The following ST6GALNAC5 variants were observed in gnomAD, a reference collection of about 807,000 sequenced individuals.
ST6GALNAC5 encodes alpha-N-acetylgalactosaminide alpha-2,6-sialyltransferase 5.
In ST6GALNAC5, 27 loss-of-function variants were observed where a neutral mutation model predicts 33.6. That is an observed-to-expected ratio of 0.80 (90% CI 0.59 to 1.11). The LOEUF is 1.11. ST6GALNAC5 is among the 50% of genes least tolerant of loss of function. The pLI, the probability that ST6GALNAC5 is intolerant of heterozygous loss-of-function variation, is 0.00. For synonymous variants in ST6GALNAC5, 194 were observed against 171.2 expected (o/e 1.13, Z -1.04); for missense variants, 428 against 454.0 (o/e 0.94, Z 0.52).
At chr1:77,001,737 A>G (rs1650175571) in intron 2 of ST6GALNAC5, among the ~76,000 whole-genome samples, 2 of 150,058 alleles carry the variant, frequency 1.3e-5, no homozygotes, top group Non-Finnish European at 3.0e-5. Flanking sequence ...TTCTGCATCT[A>G]TTGAGATAAT....
At chr1:77,008,161 C>A (rs1650498588) in intron 2 of ST6GALNAC5, among the ~76,000 whole-genome samples, 1 of 152,156 alleles carries the variant, frequency 6.6e-6, no homozygotes, top group African/African-American at 2.4e-5. Flanking sequence ...CCAGCTGGTG[C>A]TCAGAGGGGC....
chr1:76,882,711 A>G (rs1222364745), intron 2 of ST6GALNAC5, among the ~76,000 whole-genome samples: 3 of 152,168 alleles, frequency 2.0e-5, no homozygotes, highest in Admixed American at 1.3e-4. Flanking sequence ...CATATGAGAC[A>G]TCTCCATTGA....
chr1:76,988,054 C>A (rs757444476), intron 2 of ST6GALNAC5, among the ~76,000 whole-genome samples: 6 of 152,050 alleles, frequency 3.9e-5, no homozygotes, highest in Admixed American at 6.6e-5. Context: ...TTCTTGGAAG[C>A]CTTTTTCATT....
intron 2 of ST6GALNAC5, among the ~76,000 whole-genome samples, chr1:76,901,225 T>C (rs1646814662): frequency 6.6e-6 from 1 of 152,200 alleles, no homozygotes; most frequent in Non-Finnish European, 1.5e-5. Context: ...ATAGGATACA[T>C]TGTGCTTCCT....
intron 2 of ST6GALNAC5, among the ~76,000 whole-genome samples, chr1:76,880,684 A>T (rs185049899): frequency 6.6e-6 from 1 of 152,302 alleles, no homozygotes; most frequent in Non-Finnish European, 1.5e-5. Flanking sequence ...GATTGTGCCC[A>T]TCAGATTAAG....
Position 77,067,391 on chromosome 1 carries a change from C to T in ST6GALNAC5, c.*4185C>T, listed in dbSNP as rs777319055. Among the ~76,000 whole-genome samples, 7 of 152,150 alleles carry T rather than the reference C, an allele frequency of 4.6e-5. No individual in the cohort carries two copies. The highest frequency in any genetic ancestry group is 1.9e-4 in the East Asian group (1 of 5,192). On this transcript the variant is annotated 3_prime_UTR_variant, in exon 5 of 5. Coordinates refer to ENST00000477717, the MANE Select transcript of ST6GALNAC5 (RefSeq NM_030965.3). ...TTATATACTACCTTGAATTGTGCTTCGTCTTTTTATGCATGTGTCCTGTTA... is the reference window on the plus strand; with the variant it reads ...TTATATACTACCTTGAATTGTGCTTTGTCTTTTTATGCATGTGTCCTGTTA...
chr1:77,038,616 A>T (rs1384227479), intron 2 of ST6GALNAC5, among the ~76,000 whole-genome samples: 1 of 152,188 alleles, frequency 6.6e-6, no homozygotes, highest in Admixed American at 6.5e-5. Flanking sequence ...TGAGTGTTTT[A>T]GGTGTCAAGT....
intron 2 of ST6GALNAC5, among the ~76,000 whole-genome samples, chr1:76,999,364 T>C (rs539912961): frequency 1.3e-5 from 2 of 152,206 alleles, no homozygotes; most frequent in Non-Finnish European, 2.9e-5. Flanking sequence ...TGTACCTGCC[T>C]TTTAATTATG....
chr1:76,939,279 AAAC>A (rs986690862), intron 2 of ST6GALNAC5, among the ~76,000 whole-genome samples: 38 of 152,232 alleles, frequency 2.5e-4, no homozygotes, highest in African/African-American at 8.7e-4. Flanking sequence ...TAGGAAAGCG[AAAC>A]AACATTATTG....
intron 2 of ST6GALNAC5, among the ~76,000 whole-genome samples, chr1:77,031,736 C>T (rs1651463707): frequency 6.6e-6 from 1 of 152,192 alleles, no homozygotes; most frequent in Non-Finnish European, 1.5e-5. Context: ...GAATGGTTCT[C>T]ACACATGCAC....
Position 77,022,569 on chromosome 1 carries a change from A to G in ST6GALNAC5, c.262-21635A>G, listed in dbSNP as rs1651093919. 2.0e-5 allele frequency among the ~76,000 whole-genome samples: 3 copies of G among 152,220 alleles called. No individual in the cohort carries two copies. The South Asian group carries it at 6.2e-4, about 32-fold the overall frequency. ...TGATTATTAGTTTATAGGAAACTCA[A>G]AGGAGGATGCTGTGGTCTCTTATAC... is the stretch of plus-strand genomic sequence containing the variant. On this transcript the variant is annotated intron_variant, in intron 2 of 4. Coordinates refer to ENST00000477717, the MANE Select transcript of ST6GALNAC5 (RefSeq NM_030965.3).
chr1:76,993,667 G>A lies in ST6GALNAC5; in HGVS notation c.262-50537G>A, dbSNP rs147192611. On this transcript the variant is annotated intron_variant, in intron 2 of 4. Coordinates refer to ENST00000477717, the MANE Select transcript of ST6GALNAC5 (RefSeq NM_030965.3). ...ATTGTTGGAGAAATTTGCAAAGCCC[G>A]ACTCTGCCAGGGCTCTATTCCTCAT... 5.6e-3 allele frequency among the ~76,000 whole-genome samples: 850 copies of A among 152,200 alleles called. 14 individuals carry two copies. Among genetic ancestry groups the A allele is most frequent in the African/African-American group, 0.02 (812 of 41,540 alleles).
chr1:76,971,590 T>G (rs1265089688), intron 2 of ST6GALNAC5, among the ~76,000 whole-genome samples: 1 of 152,216 alleles, frequency 6.6e-6, no homozygotes, highest in East Asian at 1.9e-4. Context: ...TCCCTGTTTT[T>G]TGCCTTTTGT....
intron 4 of ST6GALNAC5, among the ~76,000 whole-genome samples, chr1:77,058,141 A>G (rs1197086378): frequency 6.6e-6 from 1 of 152,240 alleles, no homozygotes. Context: ...TCCAAGACAC[A>G]GAACCTCACT....
At chr1:77,054,661 G>C (rs942320282) in intron 4 of ST6GALNAC5, among the ~76,000 whole-genome samples, 1 of 152,092 alleles carries the variant, frequency 6.6e-6, no homozygotes, top group Non-Finnish European at 1.5e-5. Flanking sequence ...TTATATCTTG[G>C]GGGAGCAAAC....
intron 2 of ST6GALNAC5, among the ~76,000 whole-genome samples, chr1:76,986,725 T>C (rs1201181974): frequency 1.3e-5 from 2 of 152,148 alleles, no homozygotes; most frequent in Non-Finnish European, 2.9e-5. Flanking sequence ...ATGTTTATTG[T>C]GGCACTATTC....
At chr1:76,992,675 T>C (rs1649783730) in intron 2 of ST6GALNAC5, among the ~76,000 whole-genome samples, 2 of 152,090 alleles carry the variant, frequency 1.3e-5, no homozygotes, top group Admixed American at 6.6e-5. Context: ...TTCTATTTCT[T>C]TGTAGAGATG....
chr1:76,918,785 C>T (rs1256444795), intron 2 of ST6GALNAC5, among the ~76,000 whole-genome samples: 4 of 152,002 alleles, frequency 2.6e-5, no homozygotes, highest in East Asian at 3.9e-4. Flanking sequence ...AAATGAACTG[C>T]GTCTGTTACA....
intron 2 of ST6GALNAC5, among the ~76,000 whole-genome samples, chr1:77,007,231 G>A (rs1351897230): frequency 6.6e-6 from 1 of 152,276 alleles, no homozygotes; most frequent in East Asian, 1.9e-4. Flanking sequence ...CGTGAACTCA[G>A]GGTTATCTGA....
Sources: gnomAD v4.1 joint callset for allele counts (sites outside exome capture counted in the v4.1 genomes callset) on GRCh38, gnomAD v4.1.1 for gene constraint, MANE v1.5 for transcripts, NCBI Gene and HGNC (gene_info 2026-07-23, HGNC 2026-07-21) for gene names.